The following UBASH3A variants were observed in gnomAD, a reference collection of about 807,000 sequenced individuals.
UBASH3A encodes the protein ubiquitin associated and SH3 domain containing A, also known as ubiquitin-associated and SH3 domain-containing protein A.
Under a neutral mutation model 73.5 loss-of-function variants are expected in UBASH3A, and 63 were observed. That is an observed-to-expected ratio of 0.86 (90% CI 0.70 to 1.06). UBASH3A has a LOEUF of 1.06. Ranked by LOEUF, UBASH3A falls within the 50% of genes least tolerant of loss-of-function variation. The pLI is 0.00. For synonymous variants in UBASH3A, 363 were observed against 351.1 expected, an observed-to-expected ratio of 1.03 and a Z score of -0.38; for missense variants, 860 against 859.0, an observed-to-expected ratio of 1.00 and a Z score of -0.02.
rs755350243 is a variant in UBASH3A at position 42,418,609 on chromosome 21, G to A, written c.1046G>A (p.Arg349Lys). The change falls in exon 7 of 15, where the codon AGG becomes AAG. Residue 349 changes from arginine (R) to lysine (K), a missense_variant and splice_region_variant. Transcript: ENST00000319294. ...GAGTCTGACACGTGGGTGAAGCACA[G>A]GTGAGTGCTGCCTCTGGCTGCAGCC... ...ASESDTWVKH[R>K]MYTFSLATDL... 1.9e-6 allele frequency: 3 copies of A among 1,613,404 alleles called. No homozygotes were observed. The highest frequency in any genetic ancestry group is 2.2e-5 in the East Asian group (1 of 44,848).
chr21:42,413,450 T>C lies in UBASH3A; in HGVS notation c.594T>C (p.Pro198=). Residue 198 remains proline (P), a synonymous_variant, in exon 5 of 15, where the codon CCT becomes CCC. Transcript: ENST00000319294. The surrounding 1 kb of genome is among the most constrained non-coding windows in gnomAD (Gnocchi z 4.5). ...VSRFWIFSQV[P]GHGPNLRLSN... is the part of the protein sequence containing the mutation. ...GCTTCTGGATTTTCAGCCAGGTGCC[T>C]GGACATGGCCCTAACCTGAGGCTGA... 1.2e-6 allele frequency: 2 copies of C among 1,614,166 alleles called. No homozygotes were observed. Among genetic ancestry groups the C allele is most frequent in the African/African-American group, 1.3e-5 (1 of 75,034 alleles).
chr21:42,440,581 G>C (rs111664679), intron 11 of UBASH3A, among the ~76,000 whole-genome samples: 1 of 152,212 alleles, frequency 6.6e-6, no homozygotes, highest in African/African-American at 2.4e-5. Context: ...CACCTAAGAT[G>C]CTGCTGTTCT....
intron 3 of UBASH3A, chr21:42,410,066 G>A (rs1267148979): frequency 2.8e-6 from 2 of 702,092 alleles, no homozygotes; most frequent in South Asian, 1.5e-5. Context: ...TCAACTCAAG[G>A]ATGGGTGATT....
At chr21:42,439,240 C>G (rs532517357) in intron 11 of UBASH3A, among the ~76,000 whole-genome samples, 1 of 152,288 alleles carries the variant, frequency 6.6e-6, no homozygotes, top group African/African-American at 2.4e-5. Flanking sequence ...TCCATTGTAT[C>G]AGCATGGAGC....
At chr21:42,411,983 T>C (rs950129170) in intron 3 of UBASH3A, among the ~76,000 whole-genome samples, 1 of 152,184 alleles carries the variant, frequency 6.6e-6, no homozygotes, top group Non-Finnish European at 1.5e-5. Flanking sequence ...CACTGTGATC[T>C]GGCCTCATAC....
intron 11 of UBASH3A, among the ~76,000 whole-genome samples, chr21:42,439,030 G>T (rs1468917382): frequency 6.6e-6 from 1 of 152,088 alleles, no homozygotes; most frequent in Non-Finnish European, 1.5e-5. Flanking sequence ...CATGTGCATT[G>T]CCGGTTCCCA....
Position 42,443,433 on chromosome 21 carries a change from A to G in UBASH3A, c.1738+15A>G. On this transcript the variant is annotated intron_variant, in intron 13 of 14. Transcript: ENST00000319294. ...TCCACAGGACAGTAAGTGCCTCACC[A>G]TCCTCAGTATGAACAGCCCCTGGGG... 6.3e-7 allele frequency: 1 copy of G among 1,588,570 alleles called. No homozygotes were observed. The highest frequency in any genetic ancestry group is 8.6e-7 in the Non-Finnish European group (1 of 1,167,034).
intron 7 of UBASH3A, among the ~76,000 whole-genome samples, chr21:42,420,512 C>CAT (rs764324837): frequency 1.3e-5 from 2 of 152,116 alleles, no homozygotes; most frequent in Non-Finnish European, 2.9e-5. Flanking sequence ...GTATCACACA[C>CAT]ATATATATAT....
chr21:42,407,168 T>G (rs2052994520), intron 2 of UBASH3A, among the ~76,000 whole-genome samples: 1 of 152,102 alleles, frequency 6.6e-6, no homozygotes, highest in South Asian at 2.1e-4. Flanking sequence ...GGGCCACCGT[T>G]TCTCTAAAAC....
intron 2 of UBASH3A, among the ~76,000 whole-genome samples, chr21:42,408,950 A>AAATAAAAT (rs1182113683): frequency 8.1e-5 from 12 of 148,568 alleles, no homozygotes; most frequent in Non-Finnish European, 1.5e-4. Context: ...AAATAAAATA[A>AAATAAAAT]AAACTGTCTG....
intron 11 of UBASH3A, 23 bp downstream of exon 11, chr21:42,437,603 C>T: frequency 6.2e-7 from 1 of 1,601,658 alleles, no homozygotes; most frequent in Non-Finnish European, 8.6e-7. Flanking sequence ...CTCGGTGAGC[C>T]TCTCCTACTG....
chr21:42,444,543 T>A lies in UBASH3A; in HGVS notation c.1748T>A (p.Ile583Asn). 2 of 1,612,992 alleles carry A rather than the reference T, an allele frequency of 1.2e-6. No homozygotes were observed. Among genetic ancestry groups the A allele is most frequent in the Non-Finnish European group, 1.7e-6 (2 of 1,179,868 alleles). Residue 583 changes from isoleucine to asparagine, a missense_variant, in exon 14 of 15, where the codon ATC (isoleucine) becomes AAC (asparagine). Ile to Asn is a moderately radical substitution (Grantham distance 149, BLOSUM62 -3). Transcript: ENST00000319294. ...VNTCPQDTGV[I>N]LIVSHGSTLD... ...TTCTTGTTTTCCACAGCGGGTGTCA[T>A]CCTAATTGTGAGTCACGGCTCCACT...
intron 14 of UBASH3A, 56 bp downstream of exon 14, chr21:42,444,699 G>A: frequency 7.5e-7 from 1 of 1,338,718 alleles, no homozygotes; most frequent in Admixed American, 1.7e-5. Flanking sequence ...CGAAGACACA[G>A]GTTTATCTCA....
intron 11 of UBASH3A, among the ~76,000 whole-genome samples, chr21:42,438,368 G>A (rs2053665184): frequency 6.6e-6 from 1 of 152,214 alleles, no homozygotes; most frequent in South Asian, 2.1e-4. Flanking sequence ...GGGACTGTGG[G>A]AAGTTTGGGG....
At chr21:42,437,438 G>A (rs760505112) in intron 10 of UBASH3A, 50 bp from the exon 11 acceptor site, 94 of 1,549,724 alleles carry the variant, frequency 6.1e-5, no homozygotes, top group Non-Finnish European at 7.5e-5. Flanking sequence ...TCTGCCATCA[G>A]AGGCTAGAAT....
intron 13 of UBASH3A, 90 bp downstream of exon 13, chr21:42,443,508 G>A: frequency 8.8e-7 from 1 of 1,132,112 alleles, no homozygotes; most frequent in South Asian, 1.6e-5. Context: ...CTGAACCTAT[G>A]AATGCCCCTA....
At chr21:42,421,751 C>T (rs921351320) in intron 7 of UBASH3A, among the ~76,000 whole-genome samples, 2 of 152,108 alleles carry the variant, frequency 1.3e-5, no homozygotes, top group African/African-American at 4.8e-5. Flanking sequence ...ATGGATAAGC[C>T]TCTGTGTGGA....
At chr21:42,407,888 A>G (rs1285266082) in intron 2 of UBASH3A, among the ~76,000 whole-genome samples, 1 of 152,296 alleles carries the variant, frequency 6.6e-6, no homozygotes, top group Non-Finnish European at 1.5e-5. Flanking sequence ...GCAACATTGT[A>G]TATGTATACA....
chr21:42,422,806 T>A (rs1299487873), intron 7 of UBASH3A, among the ~76,000 whole-genome samples: 3 of 152,202 alleles, frequency 2.0e-5, no homozygotes, highest in African/African-American at 7.2e-5. Context: ...AACACATAAC[T>A]GTCTGTAAAT....
Sources: gnomAD v4.1 joint callset for allele counts (sites outside exome capture counted in the v4.1 genomes callset) on GRCh38, gnomAD v4.1.1 for gene constraint, Gnocchi (gnomAD v3.1) non-coding constraint, MANE v1.5 for transcripts, NCBI Gene and HGNC (gene_info 2026-07-23, HGNC 2026-07-21) for gene names.